Variants in TRIP4 observed in about 807,000 individuals in gnomAD.
TRIP4 encodes the protein thyroid hormone receptor interactor 4.
A neutral mutation model predicts 81.8 loss-of-function variants in TRIP4; 54 were observed. The observed-to-expected ratio is 0.66, with a 90% CI of 0.53 to 0.83. TRIP4 has a LOEUF of 0.83. Among genes scored for constraint, TRIP4 ranks in the 40% least tolerant of loss-of-function variants. The pLI, the probability that TRIP4 is intolerant of heterozygous loss-of-function variation, is 0.00. For missense variants in TRIP4, 662 were observed against 683.6 expected (o/e 0.97, Z 0.35); for synonymous variants, 270 against 242.8 (o/e 1.11, Z -1.04).
chr15:64,442,079 TG>T (rs1052742554), intron 11 of TRIP4, among the ~76,000 whole-genome samples: 2 of 151,384 alleles, frequency 1.3e-5, no homozygotes, highest in African/African-American at 4.9e-5. Context: ...AGAGAGGAAA[TG>T]GGGGGCCAGA....
Position 64,393,997 on chromosome 15 carries a change from TCTC to T in TRIP4, c.158_160del (p.Leu53del), listed in dbSNP as rs1255532740. ...AAGAGATACGAGAATATGTTACTGA[TCTC>T]CTCCAGGGAAATGAAGGCAAAAAAG... On this transcript the variant is annotated inframe_deletion, in exon 2 of 13. Coordinates refer to ENST00000261884, the MANE Select transcript of TRIP4 (RefSeq NM_016213.5). The T allele has an allele frequency of 1.2e-6, 2 of 1,609,300 alleles. No homozygotes were observed. Among genetic ancestry groups the T allele is most frequent in the Admixed American group, 1.7e-5 (1 of 59,274 alleles).
intron 12 of TRIP4, among the ~76,000 whole-genome samples, chr15:64,449,354 A>AG (rs1391010724): frequency 6.6e-6 from 1 of 151,142 alleles, no homozygotes; most frequent in African/African-American, 2.4e-5. Flanking sequence ...TCTATGATAA[A>AG]TATATTCGAA....
chr15:64,441,444 A>G (rs1357182604), intron 11 of TRIP4, among the ~76,000 whole-genome samples: 1 of 152,158 alleles, frequency 6.6e-6, no homozygotes, highest in Non-Finnish European at 1.5e-5. Context: ...AAAGTTCTAA[A>G]TAAGTAAATT....
At chr15:64,436,276 C>T (rs1892394713) in intron 11 of TRIP4, among the ~76,000 whole-genome samples, 1 of 150,670 alleles carries the variant, frequency 6.6e-6, no homozygotes, top group Admixed American at 6.6e-5. Context: ...GCCTGGGCAA[C>T]AGAACGACAC....
chr15:64,392,253 G>A (rs1332772823), intron 1 of TRIP4, among the ~76,000 whole-genome samples: 1 of 151,886 alleles, frequency 6.6e-6, no homozygotes, highest in Non-Finnish European at 1.5e-5. Flanking sequence ...AGCTGAGATC[G>A]CACCACTGCA....
At chr15:64,411,597 C>T (rs1257174159) in intron 7 of TRIP4, among the ~76,000 whole-genome samples, 2 of 151,780 alleles carry the variant, frequency 1.3e-5, no homozygotes, top group Non-Finnish European at 2.9e-5. Context: ...CATATTGAGA[C>T]CCCACCTTAA....
chr15:64,413,770 T>C (rs1382167870), intron 7 of TRIP4, among the ~76,000 whole-genome samples: 1 of 151,772 alleles, frequency 6.6e-6, no homozygotes, highest in African/African-American at 2.4e-5. Flanking sequence ...GTATTTTTAG[T>C]AGAGATGGGG....
chr15:64,418,863 A>G (rs1891945782), intron 9 of TRIP4, 135 bp downstream of exon 9: 1 of 802,778 alleles, frequency 1.2e-6, no homozygotes, highest in African/African-American at 1.8e-5. Context: ...AACTTTGAAC[A>G]ACATATTCAT....
At chr15:64,392,653 G>T (rs1487203168) in intron 1 of TRIP4, among the ~76,000 whole-genome samples, 1 of 152,000 alleles carries the variant, frequency 6.6e-6, no homozygotes, top group Admixed American at 6.6e-5. Context: ...GTCTCATTCT[G>T]TTGCTCAGGC....
At chr15:64,411,741 G>A (rs186315175) in intron 7 of TRIP4, among the ~76,000 whole-genome samples, 239 of 150,806 alleles carry the variant, frequency 1.6e-3, no homozygotes, top group African/African-American at 5.7e-3. Context: ...GTGCAGTGGC[G>A]CGATCTTGGC....
At chr15:64,450,013 G>A (rs1386967966) in intron 12 of TRIP4, among the ~76,000 whole-genome samples, 1 of 152,164 alleles carries the variant, frequency 6.6e-6, no homozygotes, top group Non-Finnish European at 1.5e-5. Flanking sequence ...AAAATATTGG[G>A]GAAATACAGA....
chr15:64,392,904 C>T (rs918009262), intron 1 of TRIP4, among the ~76,000 whole-genome samples: 3 of 152,048 alleles, frequency 2.0e-5, no homozygotes, highest in Admixed American at 6.6e-5. Flanking sequence ...CATGGGCTCC[C>T]GAACCCAGAC....
intron 7 of TRIP4, 148 bp downstream of exon 7, chr15:64,409,976 T>A (rs542842584): frequency 3.7e-5 from 27 of 728,946 alleles, no homozygotes; most frequent in Non-Finnish European, 5.9e-5. Flanking sequence ...TAAGAAAAAA[T>A]GTTTAAATGA....
At chr15:64,390,106 T>C (rs887588173) in intron 1 of TRIP4, among the ~76,000 whole-genome samples, 16 of 147,668 alleles carry the variant, frequency 1.1e-4, no homozygotes, top group Non-Finnish European at 2.1e-4. Flanking sequence ...ATATTAAATA[T>C]ATCAAATATT....
intron 12 of TRIP4, among the ~76,000 whole-genome samples, chr15:64,447,102 T>TCAAAA (rs1056512274): frequency 2.0e-5 from 3 of 151,836 alleles, no homozygotes; most frequent in South Asian, 2.1e-4. Flanking sequence ...AGACTCCGTC[T>TCAAAA]CAAAACAAAA....
chr15:64,435,778 A>G (rs1892378013), intron 11 of TRIP4, among the ~76,000 whole-genome samples: 1 of 135,744 alleles, frequency 7.4e-6, no homozygotes, highest in Admixed American at 8.0e-5. Context: ...TTAACTTTGC[A>G]TGGCTGGAAG....
chr15:64,445,773 G>C (rs1892620628), intron 12 of TRIP4, among the ~76,000 whole-genome samples: 1 of 151,608 alleles, frequency 6.6e-6, no homozygotes, highest in Non-Finnish European at 1.5e-5. Flanking sequence ...GTTAACTACA[G>C]TAAAGCCTTT....
chr15:64,398,999 G>A (rs1359486256), intron 4 of TRIP4, among the ~76,000 whole-genome samples: 1 of 132,568 alleles, frequency 7.5e-6, no homozygotes, highest in Non-Finnish European at 1.5e-5. Flanking sequence ...GCCCAGGCTG[G>A]AGAGCAGTGG....
intron 11 of TRIP4, among the ~76,000 whole-genome samples, chr15:64,427,624 C>T (rs1280770159): frequency 6.6e-6 from 1 of 152,176 alleles, no homozygotes; most frequent in Non-Finnish European, 1.5e-5. Context: ...GATCCACCTG[C>T]CTCAGCTTCC....
Sources: gnomAD v4.1 joint callset for allele counts (sites outside exome capture counted in the v4.1 genomes callset) on GRCh38, gnomAD v4.1.1 for gene constraint, MANE v1.5 for transcripts, NCBI Gene and HGNC (gene_info 2026-07-23, HGNC 2026-07-21) for gene names.